The following KCNMA1 variants were observed in gnomAD, a reference collection of about 807,000 sequenced individuals.
The protein encoded by KCNMA1 is Calcium-activated potassium channel subunit alpha-1.
KCNMA1 carries 29 observed loss-of-function variants against 140.0 expected under a neutral mutation model. The observed-to-expected ratio is 0.21, with a 90% CI of 0.15 to 0.28. The LOEUF is 0.28. Ranked by LOEUF, KCNMA1 falls within the 10% of genes least tolerant of loss-of-function variation. The probability of loss-of-function intolerance (pLI) is 1.00; values close to 1 mark genes in which losing one functional copy is unlikely to be tolerated. For missense variants in KCNMA1, 880 were observed against 1,602.2 expected, an observed-to-expected ratio of 0.55 and a Z score of 7.70; for synonymous variants, 612 against 611.9, an observed-to-expected ratio of 1.00 and a Z score of 0.00.
chr10:77,533,339 G>T (rs2058130642), intron 1 of KCNMA1, among the ~76,000 whole-genome samples: 2 of 152,132 alleles, frequency 1.3e-5, no homozygotes, highest in Non-Finnish European at 2.9e-5. Flanking sequence ...CAGGAGAAAG[G>T]GCACCCGTGA....
At chr10:77,566,291 T>C (rs552871420) in intron 1 of KCNMA1, among the ~76,000 whole-genome samples, 1 of 152,182 alleles carries the variant, frequency 6.6e-6, no homozygotes, top group South Asian at 2.1e-4. Context: ...TGGCTTCTGA[T>C]CTCCCTGGTC....
At chr10:77,572,080 G>C (rs930471012) in intron 1 of KCNMA1, among the ~76,000 whole-genome samples, 1 of 152,176 alleles carries the variant, frequency 6.6e-6, no homozygotes, top group Non-Finnish European at 1.5e-5. Flanking sequence ...TATTAGAACA[G>C]AGCAGAGTGG....
At chr10:76,879,223 T>C (rs1314667852) in intron 29 of KCNMA1, among the ~76,000 whole-genome samples, 4 of 152,160 alleles carry the variant, frequency 2.6e-5, no homozygotes, top group Non-Finnish European at 4.4e-5. Flanking sequence ...GAGCTGTCAA[T>C]GTCGAGGAGG....
chr10:77,086,521 G>C lies in KCNMA1; in HGVS notation c.1407C>G (p.Ser469=). ...TTGCAAGATCATGTGGATTGAGGAC[G>C]GAACCCTGATAAAATTCCACCTGAG... ...HFTQVEFYQG[S]VLNPHDLARV... The change falls in exon 11 of 28, where the codon TCC becomes TCG. Residue 469 remains serine (S), a synonymous_variant. Coordinates refer to ENST00000286628, the MANE Select transcript of KCNMA1 (RefSeq NM_001161352.2). The C allele has an allele frequency of 6.2e-7, 1 of 1,613,756 alleles. No individual in the cohort carries two copies. Among genetic ancestry groups the C allele is most frequent in the South Asian group, 1.1e-5 (1 of 91,076 alleles).
intron 3 of KCNMA1, among the ~76,000 whole-genome samples, chr10:77,211,252 CAG>C (rs972381147): frequency 2.7e-4 from 41 of 152,082 alleles, no homozygotes; most frequent in Non-Finnish European, 5.9e-5. Context: ...GTAAAAAAAA[CAG>C]ACATATAGAT....
intron 1 of KCNMA1, among the ~76,000 whole-genome samples, chr10:77,483,037 C>T (rs1015172159): frequency 7.8e-6 from 1 of 128,508 alleles, no homozygotes; most frequent in South Asian, 2.8e-4. Context: ...CACACACACA[C>T]ACACCCCTTG....
chr10:77,099,264 T>C (rs538055290), intron 9 of KCNMA1, among the ~76,000 whole-genome samples: 1 of 152,222 alleles, frequency 6.6e-6, no homozygotes, highest in African/African-American at 2.4e-5. Context: ...GAATCATGTA[T>C]CATGGTCCTT....
intron 1 of KCNMA1, among the ~76,000 whole-genome samples, chr10:77,443,830 T>C (rs1408711767): frequency 6.6e-6 from 1 of 152,170 alleles, no homozygotes; most frequent in East Asian, 1.9e-4. Flanking sequence ...TCTGCAGAAA[T>C]AAGACCTAGA....
rs57558756 is a variant in KCNMA1, at chr10:76,971,974, G to GGTGTGTGT, written c.2267-1915_2267-1908dup. On this transcript the variant is annotated intron_variant, in intron 19 of 27. Coordinates refer to ENST00000286628, the MANE Select transcript of KCNMA1 (RefSeq NM_001161352.2). The stretch of plus-strand genomic sequence containing the variant: ...GGTAGAAAGGCAGCGAGGGTGTGTG[G>GGTGTGTGT]GTGTGTGTGTGTGTGTGTGTGTGTA... 1.0e-2 allele frequency among the ~76,000 whole-genome samples: 1,485 copies of GGTGTGTGT among 148,886 alleles called. 24 individuals carry two copies. The highest frequency in any genetic ancestry group is 0.034 in the Middle Eastern group (10 of 290).
chr10:77,623,380 A>T (rs2255727), intron 1 of KCNMA1, among the ~76,000 whole-genome samples: 5 of 151,826 alleles, frequency 3.3e-5, no homozygotes, highest in African/African-American at 1.2e-4. Context: ...TATTGTCTAA[A>T]TTTTTAGTTT....
At chr10:77,137,174 G>A (rs1032512519) in intron 5 of KCNMA1, among the ~76,000 whole-genome samples, 9 of 152,106 alleles carry the variant, frequency 5.9e-5, no homozygotes, top group Non-Finnish European at 1.3e-4. Context: ...AAAAGACTCT[G>A]GAGATTCATA....
Position 76,953,994 on chromosome 10 carries a change from A to G in KCNMA1, c.2361-70T>C. 1.3e-6 allele frequency: 2 copies of G among 1,509,044 alleles called. 1 individual carries two copies. The highest frequency in any genetic ancestry group is 2.3e-5 in the South Asian group (2 of 86,010). 93.5% of individuals were successfully genotyped at this position (1,509,044 alleles called of 1,614,324 possible). ...ATTATAAATGGAAAGTGCCCCCTGA[A>G]TTACATCTCAGAGGATGTGAAAGAT... On this transcript the variant is annotated intron_variant, in intron 20 of 27. Coordinates refer to ENST00000286628, the MANE Select transcript of KCNMA1 (RefSeq NM_001161352.2).
Position 77,355,915 on chromosome 10 carries a change from G to A in KCNMA1, c.540+47947C>T, listed in dbSNP as rs538693841. 3.6e-4 allele frequency among the ~76,000 whole-genome samples: 54 copies of A among 152,080 alleles called. 2 individuals carry two copies. In the South Asian group the frequency reaches 8.7e-3, roughly 25 times the overall value. Reference sequence around the variant, plus strand: ...CAGCTCCATCTCATAGAAAACTCACGCATTACTCAGTGAAAAAACGACCCC... The same window carrying A: ...CAGCTCCATCTCATAGAAAACTCACACATTACTCAGTGAAAAAACGACCCC... On this transcript the variant is annotated intron_variant, in intron 2 of 27. Coordinates refer to ENST00000286628, the MANE Select transcript of KCNMA1 (RefSeq NM_001161352.2).
intron 19 of KCNMA1, among the ~76,000 whole-genome samples, chr10:76,984,951 G>A (rs2080805083): frequency 6.6e-6 from 1 of 152,212 alleles, no homozygotes; most frequent in African/African-American, 2.4e-5. Context: ...TGAGGAGGAG[G>A]AGAGTACCTA....
At chr10:77,505,940 A>G (rs908449475) in intron 1 of KCNMA1, among the ~76,000 whole-genome samples, 1 of 152,296 alleles carries the variant, frequency 6.6e-6, no homozygotes, top group Middle Eastern at 3.4e-3. Context: ...CCTGAACTAG[A>G]AAAGAGACAG....
At chr10:77,459,905 G>A (rs900883554) in intron 1 of KCNMA1, among the ~76,000 whole-genome samples, 1 of 152,146 alleles carries the variant, frequency 6.6e-6, no homozygotes, top group African/African-American at 2.4e-5. Flanking sequence ...TTCCAATATG[G>A]TTGTCAAGAA....
chr10:77,625,732 C>A (rs1435284099), intron 1 of KCNMA1, among the ~76,000 whole-genome samples: 1 of 152,164 alleles, frequency 6.6e-6, no homozygotes, highest in African/African-American at 2.4e-5. Flanking sequence ...TACCACAATT[C>A]GCTAATCTAT....
At chr10:77,444,392 T>G (rs1032158429) in intron 1 of KCNMA1, among the ~76,000 whole-genome samples, 2 of 152,224 alleles carry the variant, frequency 1.3e-5, no homozygotes, top group African/African-American at 2.4e-5. Context: ...AGAGAACTTT[T>G]CTCTGTCTTC....
At chr10:77,345,513 CAG>C (rs1281105532) in intron 2 of KCNMA1, among the ~76,000 whole-genome samples, 1 of 152,184 alleles carries the variant, frequency 6.6e-6, no homozygotes, top group Admixed American at 6.5e-5. Flanking sequence ...AACTGAATCC[CAG>C]AGAGATGAAG....
Sources: allele counts gnomAD v4.1 joint callset (sites outside exome capture counted in the v4.1 genomes callset), GRCh38; gene constraint gnomAD v4.1.1; transcripts MANE v1.5; gene names NCBI Gene and HGNC (gene_info 2026-07-23, HGNC 2026-07-21).